Variants in COL4A1 observed in about 807,000 individuals in gnomAD.
COL4A1 encodes collagen alpha-1(IV) chain.
In COL4A1, 40 loss-of-function variants were observed where a neutral mutation model predicts 216.6. The ratio of observed to expected loss-of-function variants is 0.18; its 90% CI spans 0.14 to 0.24. The LOEUF (loss-of-function observed/expected upper bound fraction) is 0.24, where lower values mean the gene tolerates loss of function less well. COL4A1 is among the 10% of genes least tolerant of loss of function. The pLI is 1.00. For missense variants in COL4A1, 1,628 were observed against 2,196.8 expected, an observed-to-expected ratio of 0.74 and a Z score of 5.18; for synonymous variants, 839 against 810.7, an observed-to-expected ratio of 1.03 and a Z score of -0.59.
At chr13:110,225,309 T>G (rs2139223855) in intron 2 of COL4A1, among the ~76,000 whole-genome samples, 1 of 152,124 alleles carries the variant, frequency 6.6e-6, no homozygotes, top group African/African-American at 2.4e-5. Context: ...CTGGGCCGGG[T>G]GCAGTGGCTC....
intron 20 of COL4A1, among the ~76,000 whole-genome samples, chr13:110,199,761 A>G (rs1028885876): frequency 1.3e-5 from 2 of 152,188 alleles, no homozygotes; most frequent in South Asian, 4.1e-4. Flanking sequence ...ATGGCTTTTT[A>G]TCAAGCGTCT....
At chr13:110,229,923 A>C (rs1311348581) in intron 2 of COL4A1, among the ~76,000 whole-genome samples, 1 of 152,074 alleles carries the variant, frequency 6.6e-6, no homozygotes, top group Non-Finnish European at 1.5e-5. Context: ...CTTGTGGGTG[A>C]CTTCTGCCGG....
intron 25 of COL4A1, 91 bp downstream of exon 25, chr13:110,187,047 A>G: frequency 2.7e-6 from 4 of 1,485,690 alleles, no homozygotes; most frequent in Non-Finnish European, 3.8e-6. Flanking sequence ...AGGAGATAGA[A>G]ATACATCAAT....
In COL4A1 at chr13:110,179,411, C is replaced by T; in HGVS notation, c.2204G>A (p.Gly735Glu). 9 of 1,614,134 alleles carry T rather than the reference C, an allele frequency of 5.6e-6. No homozygotes were observed. Among genetic ancestry groups the T allele is most frequent in the Non-Finnish European group, 7.6e-6 (9 of 1,180,040 alleles). ...ACCTTTGAGTCCCGGTAGACCAACT[C>T]CAGGCTCTCCCTGAAAATCCCCAAA... Reference protein sequence around the residue: ...PGVQGQKGEPGVGLPGLKGLP... With the variant: ...PGVQGQKGEPEVGLPGLKGLP... Residue 735 changes from glycine (G) to glutamate (E), a missense_variant, in exon 30 of 52, where the codon GGA (glycine) becomes GAA (glutamate). Transcript: ENST00000375820.
chr13:110,286,090 G>A (rs1239822935), intron 1 of COL4A1, among the ~76,000 whole-genome samples: 1 of 152,190 alleles, frequency 6.6e-6, no homozygotes, highest in Non-Finnish European at 1.5e-5. Flanking sequence ...GGCCTGGAAG[G>A]AGGGAAAGGA....
intron 23 of COL4A1, 73 bp from the exon 24 acceptor site, chr13:110,192,357 C>G: frequency 1.4e-6 from 2 of 1,407,714 alleles, no homozygotes; most frequent in Non-Finnish European, 2.0e-6. Context: ...TTTCTTAAGA[C>G]TCAAAAGCAT....
At chr13:110,151,128 T>A (rs74568749) in intron 51 of COL4A1, among the ~76,000 whole-genome samples, 3,779 of 152,238 alleles carry the variant, frequency 0.025, 59 homozygotes, top group East Asian at 0.037. Flanking sequence ...ATAAATAAAT[T>A]AATTAAACTA....
chr13:110,203,711 T>A, intron 17 of COL4A1, 104 bp from the exon 18 acceptor site: 1 of 1,216,394 alleles, frequency 8.2e-7, no homozygotes, highest in Non-Finnish European at 1.2e-6. Flanking sequence ...GTGCCTACAG[T>A]AAATTAAAAC....
At chr13:110,199,885 A>G (rs1051515305) in intron 20 of COL4A1, among the ~76,000 whole-genome samples, 3 of 152,176 alleles carry the variant, frequency 2.0e-5, no homozygotes, top group African/African-American at 7.2e-5. Context: ...AAGAGACAAA[A>G]GGGATGCTTT....
intron 20 of COL4A1, among the ~76,000 whole-genome samples, chr13:110,200,560 G>T (rs138037854): frequency 6.6e-6 from 1 of 152,130 alleles, no homozygotes; most frequent in African/African-American, 2.4e-5. Flanking sequence ...GGGAAAAGAG[G>T]GGGGCAGGCT....
At chr13:110,256,525 G>A (rs912106849) in intron 1 of COL4A1, among the ~76,000 whole-genome samples, 2 of 152,132 alleles carry the variant, frequency 1.3e-5, no homozygotes, top group African/African-American at 2.4e-5. Context: ...GTCAGTGCCC[G>A]GGAAAGCAAA....
At chr13:110,152,837 G>C (rs1876573312) in intron 50 of COL4A1, among the ~76,000 whole-genome samples, 1 of 152,188 alleles carries the variant, frequency 6.6e-6, no homozygotes. Flanking sequence ...TTCTAACATG[G>C]GTCATGAGAC....
chr13:110,206,266 C>T (rs61964980), intron 15 of COL4A1, among the ~76,000 whole-genome samples: 33,558 of 152,154 alleles, frequency 0.22, 4,307 homozygotes, highest in Admixed American at 0.31. Flanking sequence ...GTGGGTCTCA[C>T]GCCACCACCA....
intron 2 of COL4A1, among the ~76,000 whole-genome samples, chr13:110,222,771 T>TAAAAAAAAAAAAAAAAAAAAAA: frequency 1.1e-5 from 1 of 93,412 alleles, no homozygotes; most frequent in East Asian, 3.4e-4. Context: ...AGACTCTGCT[T>TAAAAAAAAAAAAAAAAAAAAAA]TAAAAAAAAA....
rs1879023405 is a variant in COL4A1 at position 110,198,701 on chromosome 13, C to T, written c.1121-70G>A. 17 of 1,591,868 alleles carry T rather than the reference C, an allele frequency of 1.1e-5. No homozygotes were observed. In the Admixed American group the frequency reaches 2.3e-4, roughly 22 times the overall value. The stretch of plus-strand genomic sequence containing the variant: ...AGCAACTACAGCATAAACTCATTCT[C>T]CTAACTCTGTTCAAGGTAAAAATCC... On this transcript the variant is annotated intron_variant, in intron 20 of 51. Transcript: ENST00000375820.
At chr13:110,247,834 T>TGTCAGAGAGAGAGGGAGGGAGGGAG (rs1491092763) in intron 1 of COL4A1, among the ~76,000 whole-genome samples, 1 of 87,294 alleles carries the variant, frequency 1.1e-5, no homozygotes, top group Non-Finnish European at 2.2e-5. Flanking sequence ...TGTGTGTGTG[T>TGTCAGAGAGAGAGGGAGGGAGGGAG]GGCAGAGAGA....
chr13:110,251,178 C>T (rs1882055997), intron 1 of COL4A1, among the ~76,000 whole-genome samples: 1 of 152,260 alleles, frequency 6.6e-6, no homozygotes, highest in Admixed American at 6.5e-5. Context: ...TGCTGAAGGG[C>T]AGGGAGTTCT....
chr13:110,238,610 C>T (rs1177399255), intron 2 of COL4A1, among the ~76,000 whole-genome samples: 1 of 152,300 alleles, frequency 6.6e-6, no homozygotes, highest in African/African-American at 2.4e-5. Context: ...ACAGATTCTC[C>T]TGGAATGTGA....
At chr13:110,222,680 A>G (rs61963278) in intron 2 of COL4A1, among the ~76,000 whole-genome samples, 35 of 144,206 alleles carry the variant, frequency 2.4e-4, no homozygotes, top group African/African-American at 6.8e-4. Context: ...GGCTGAGGCA[A>G]GAGAATGGCA....
Sources: allele counts gnomAD v4.1 joint callset (sites outside exome capture counted in the v4.1 genomes callset), GRCh38; gene constraint gnomAD v4.1.1; transcripts MANE v1.5; gene names NCBI Gene and HGNC (gene_info 2026-07-23, HGNC 2026-07-21).